Variants in PPIE observed in about 807,000 individuals in gnomAD.
PPIE encodes peptidyl-prolyl cis-trans isomerase E.
In PPIE, 20 loss-of-function variants were observed where a neutral mutation model predicts 38.4. That is an observed-to-expected ratio of 0.52 (90% confidence interval 0.37 to 0.76). PPIE has a LOEUF of 0.76. PPIE is among the 30% of genes least tolerant of loss of function. The pLI is 0.00. For synonymous variants in PPIE, 142 were observed against 135.7 expected, an observed-to-expected ratio of 1.05 and a Z score of -0.32; for missense variants, 322 against 385.8, an observed-to-expected ratio of 0.83 and a Z score of 1.39.
At chr1:39,739,602 A>G (rs914855534) in intron 1 of PPIE, among the ~76,000 whole-genome samples, 1 of 152,154 alleles carries the variant, frequency 6.6e-6, no homozygotes, top group African/African-American at 2.4e-5. Flanking sequence ...AGCGAGGGCA[A>G]ATTCTGGATG....
At chr1:39,743,709 G>T (rs1429221240) in intron 5 of PPIE, 115 bp from the exon 6 acceptor site, 9 of 771,920 alleles carry the variant, frequency 1.2e-5, no homozygotes, top group Non-Finnish European at 1.9e-5. Context: ...GTTCTCAGTG[G>T]GGAATTGTCT....
intron 7 of PPIE, chr1:39,746,275 C>G (rs974892031): frequency 1.3e-5 from 2 of 152,182 alleles, no homozygotes; most frequent in African/African-American, 4.8e-5. Flanking sequence ...TCCTTTCATG[C>G]ACAGCATTTT....
intron 6 of PPIE, 36 bp downstream of exon 6, chr1:39,743,960 G>A (rs1304431558): frequency 9.3e-6 from 14 of 1,506,064 alleles, no homozygotes; most frequent in Non-Finnish European, 1.0e-5. Context: ...AGCACAGGCC[G>A]GCGCTGTCCA....
intron 2 of PPIE, among the ~76,000 whole-genome samples, chr1:39,740,902 C>G (rs1253937689): frequency 1.3e-5 from 2 of 152,132 alleles, no homozygotes; most frequent in Admixed American, 6.5e-5. Context: ...TCTCTGAGTT[C>G]TATGATAAAC....
intron 7 of PPIE, chr1:39,745,830 C>T (rs1220636062): frequency 5.0e-6 from 1 of 199,562 alleles, no homozygotes; most frequent in Non-Finnish European, 1.0e-5. Flanking sequence ...ATCCAGTCCT[C>T]AATTCTAGAA....
intron 7 of PPIE, chr1:39,748,548 C>A (rs952969851): frequency 5.2e-5 from 12 of 229,590 alleles, no homozygotes; most frequent in Non-Finnish European, 8.7e-5. Context: ...ACCAGCTTGG[C>A]CAACATAGTG....
downstream of PPIE, chr1:39,760,296 G>T: frequency 6.9e-7 from 1 of 1,446,528 alleles, no homozygotes; most frequent in Non-Finnish European, 9.3e-7. Flanking sequence ...TCATGTACGT[G>T]GTTGTGAGGG....
chr1:39,755,354 A>G lies in PPIE; in HGVS notation c.*1999A>G. On this transcript the variant is annotated 3_prime_UTR_variant, in exon 10 of 10. Transcript: ENST00000324379. ...CTGAGGGATGGTGGCATTCTGCCCT[A>G]CCTCTGGCTCCCATGTGCCGACTGG... 1 of 985,342 alleles carries G rather than the reference A, an allele frequency of 1.0e-6. No individual in the cohort carries two copies. The highest frequency in any genetic ancestry group is 1.2e-6 in the Non-Finnish European group (1 of 829,916). 61.0% of individuals were successfully genotyped at this position (985,342 alleles called of 1,614,324 possible).
In PPIE at chr1:39,756,549, G is replaced by A. The variant is rs527890849; in HGVS notation, c.*3194G>A. Reference sequence around the variant, plus strand: ...TCTGTTGCAGTCATGGCAGCCTCACGGCAACCTCTGAAGAAGGAATTATAG... The same window carrying A: ...TCTGTTGCAGTCATGGCAGCCTCACAGCAACCTCTGAAGAAGGAATTATAG... On this transcript the variant is annotated 3_prime_UTR_variant, in exon 10 of 10. Transcript: ENST00000324379. 5.1e-6 allele frequency: 5 copies of A among 985,396 alleles called. No homozygotes were observed. The African/African-American group carries it at 5.2e-5, about 10-fold the overall frequency. The allele number at this position is 985,396 out of a possible 1,614,324, so 61.0% of individuals were successfully genotyped here. A position where few individuals can be genotyped will look rare whatever the true frequency, so the allele number is the denominator to read the frequency against.
chr1:39,763,738 C>A, exon 10 of PPIE: 2 of 1,603,188 alleles, frequency 1.2e-6, no homozygotes, highest in Admixed American at 1.7e-5. Context: ...TGGAAGCTGA[C>A]GTAGAGCTCG....
rs756533263 is a variant in PPIE at position 39,743,908 on chromosome 1, A to G, written c.368A>G (p.Lys123Arg). Residue 123 changes from lysine to arginine, a missense_variant, in exon 6 of 10, where the codon AAA (lysine) becomes AGA (arginine). Physicochemically the swap from Lys to Arg is conservative, Grantham distance 26 (BLOSUM62 2). Coordinates refer to ENST00000324379, the MANE Select transcript of PPIE (RefSeq NM_006112.4). ...GAGGAAGAAGGGTCAGAGCCTCCCA[A>G]AGCAGAGACCCAGGAGGTGAGAATG... ...NKEEEGSEPP[K>R]AETQEGEPIA... 1.2e-6 allele frequency: 2 copies of G among 1,612,614 alleles called. No homozygotes were observed. Among genetic ancestry groups the G allele is most frequent in the Non-Finnish European group, 1.7e-6 (2 of 1,179,270 alleles).
chr1:39,762,570 T>C (rs868425838), intron 9 of PPIE: 6 of 1,550,138 alleles, frequency 3.9e-6, no homozygotes, highest in Admixed American at 2.0e-5. Flanking sequence ...AAAACAAAGA[T>C]GGCCAAGAGA....
chr1:39,760,687 G>T, downstream of PPIE: 1 of 1,299,690 alleles, frequency 7.7e-7, no homozygotes, highest in Non-Finnish European at 1.0e-6. Context: ...CCACATGGGA[G>T]CAGCACAATA....
chr1:39,742,455 A>C (rs1647082387), intron 4 of PPIE: 1 of 151,802 alleles, frequency 6.6e-6, no homozygotes, highest in South Asian at 2.1e-4. Flanking sequence ...TTGTTGGAAA[A>C]ATAATACTTC....
chr1:39,739,603 A>G (rs1441002177), intron 1 of PPIE, among the ~76,000 whole-genome samples: 7 of 152,150 alleles, frequency 4.6e-5, no homozygotes, highest in African/African-American at 1.4e-4. Context: ...GCGAGGGCAA[A>G]TTCTGGATGC....
At chr1:39,749,206 C>A in intron 8 of PPIE, 118 bp downstream of exon 8, 1 of 1,075,710 alleles carries the variant, frequency 9.3e-7, no homozygotes, top group East Asian at 2.5e-5. Flanking sequence ...GGAGGAGACC[C>A]AGCCACCAGA....
Position 39,753,157 on chromosome 1 carries a change from T to G in PPIE, c.837+105T>G, listed in dbSNP as rs574084086. On this transcript the variant is annotated intron_variant, in intron 9 of 9. Transcript: ENST00000324379. ...GCCTGAGAGAGATGGCCAGGGGCTG[T>G]GTCCAGCGGGAGGGGCTGCTGCTGC... 14 of 1,590,396 alleles carry G rather than the reference T, an allele frequency of 8.8e-6. No homozygotes were observed. The Admixed American group carries it at 1.2e-4, about 14-fold the overall frequency.
At chr1:39,742,860 T>G (rs543207640) in intron 4 of PPIE, 1 of 169,604 alleles carries the variant, frequency 5.9e-6, no homozygotes, top group African/African-American at 2.4e-5. Context: ...CTGTTATCCA[T>G]TCACCAAACA....
intron 4 of PPIE, 39 bp downstream of exon 4, chr1:39,741,960 T>C (rs1334001334): frequency 6.2e-7 from 1 of 1,611,868 alleles, no homozygotes; most frequent in Admixed American, 1.7e-5. Flanking sequence ...AAGTTGCTTT[T>C]TGGTGGTACA....
Sources: allele counts gnomAD v4.1 joint callset (sites outside exome capture counted in the v4.1 genomes callset), GRCh38; gene constraint gnomAD v4.1.1; transcripts MANE v1.5; gene names NCBI Gene and HGNC (gene_info 2026-07-23, HGNC 2026-07-21).